Variants in USH2A observed in about 807,000 individuals in gnomAD.
The protein encoded by USH2A is Usher syndrome 2A (autosomal recessive, mild).
A neutral mutation model predicts 538.9 loss-of-function variants in USH2A; 443 were observed. That is an observed-to-expected ratio of 0.82 (90% confidence interval 0.76 to 0.89). The LOEUF (loss-of-function observed/expected upper bound fraction) is 0.89, where lower values mean the gene tolerates loss of function less well. USH2A is among the 40% of genes least tolerant of loss of function. The probability of loss-of-function intolerance (pLI) is 0.00; values close to 1 mark genes in which losing one functional copy is unlikely to be tolerated. For synonymous variants in USH2A, 2,413 were observed against 2,273.5 expected, an observed-to-expected ratio of 1.06 and a Z score of -1.75; for missense variants, 6,633 against 6,324.8, an observed-to-expected ratio of 1.05 and a Z score of -1.65.
At position 215,784,608 on chromosome 1, in the gene USH2A, T is replaced by C. The variant is rs369114661; in HGVS notation, c.10388-1673A>G. Among the ~76,000 whole-genome samples, 11 of 152,336 alleles carry C rather than the reference T, an allele frequency of 7.2e-5. No homozygotes were observed. The South Asian group carries it at 2.3e-3, about 32-fold the overall frequency. ...ATAAATAAATGATTGCATAAATGAATAAATTTTTGTCAGCACTGGTATTGT... is the reference window on the plus strand; with the variant it reads ...ATAAATAAATGATTGCATAAATGAACAAATTTTTGTCAGCACTGGTATTGT... On this transcript the variant is annotated intron_variant, in intron 52 of 71. Transcript: ENST00000307340.
chr1:216,163,989 A>G (rs998290845), intron 21 of USH2A, among the ~76,000 whole-genome samples: 2 of 152,192 alleles, frequency 1.3e-5, no homozygotes, highest in East Asian at 3.9e-4. Flanking sequence ...TTTTCTCAGC[A>G]GGAGGATTTT....
chr1:216,212,766 T>C (rs1558320953), intron 15 of USH2A, among the ~76,000 whole-genome samples: 1 of 151,946 alleles, frequency 6.6e-6, no homozygotes, highest in Non-Finnish European at 1.5e-5. Context: ...AATTGTTCAA[T>C]AAATATCACC....
intron 21 of USH2A, among the ~76,000 whole-genome samples, chr1:216,097,466 C>T (rs2032467659): frequency 6.6e-6 from 1 of 152,102 alleles, no homozygotes; most frequent in Non-Finnish European, 1.5e-5. Context: ...ATGCAAAACT[C>T]ATCAACCCAA....
chr1:216,243,127 A>G (rs1316303828), intron 13 of USH2A, among the ~76,000 whole-genome samples: 1 of 152,220 alleles, frequency 6.6e-6, no homozygotes, highest in Non-Finnish European at 1.5e-5. Flanking sequence ...CAGGGCCACT[A>G]TAAACTGTAG....
intron 50 of USH2A, among the ~76,000 whole-genome samples, chr1:215,798,660 T>TG (rs1420796568): frequency 1.3e-5 from 2 of 152,056 alleles, no homozygotes; most frequent in African/African-American, 2.4e-5. Context: ...ATGTGTGGAA[T>TG]TTTTTTTGGA....
At chr1:215,776,317 A>G (rs544701689) in intron 55 of USH2A, among the ~76,000 whole-genome samples, 1 of 152,342 alleles carries the variant, frequency 6.6e-6, no homozygotes, top group African/African-American at 2.4e-5. Flanking sequence ...CAGTTTACTT[A>G]AAGCATTGAT....
chr1:215,879,153 G>A lies in USH2A; in HGVS notation c.8224-55C>T, dbSNP rs145996521. Reference sequence around the variant, plus strand: ...GTGACGATACAGGAATAGAGCAATTGAAGTTCACGAGGCCTAGAATTTTGC... The same window carrying A: ...GTGACGATACAGGAATAGAGCAATTAAAGTTCACGAGGCCTAGAATTTTGC... On this transcript the variant is annotated intron_variant, in intron 41 of 71. Coordinates refer to ENST00000307340, the MANE Select transcript of USH2A (RefSeq NM_206933.4). 172 of 1,501,702 alleles carry A rather than the reference G, an allele frequency of 1.1e-4. No homozygotes were observed. The African/African-American group carries it at 2.3e-3, about 20-fold the overall frequency. The allele number at this position is 1,501,702 out of a possible 1,614,324, so 93.0% of individuals were successfully genotyped here.
chr1:215,801,359 C>T (rs75977098), intron 49 of USH2A, among the ~76,000 whole-genome samples: 1 of 144,776 alleles, frequency 6.9e-6, no homozygotes, highest in African/African-American at 2.5e-5. Context: ...TGTTCTCAGA[C>T]AACATGATAT....
chr1:216,231,204 A>G (rs1055762755), intron 14 of USH2A, among the ~76,000 whole-genome samples: 1 of 130,700 alleles, frequency 7.7e-6, no homozygotes, highest in African/African-American at 3.0e-5. Flanking sequence ...ATTCAAGGGC[A>G]ATGAAGAACA....
intron 45 of USH2A, among the ~76,000 whole-genome samples, chr1:215,845,140 G>C (rs1393051519): frequency 6.6e-6 from 1 of 152,082 alleles, no homozygotes; most frequent in Non-Finnish European, 1.5e-5. Context: ...ATCTTAACTA[G>C]TTGAAGAATT....
intron 37 of USH2A, among the ~76,000 whole-genome samples, chr1:215,943,300 C>G (rs1236521224): frequency 2.0e-5 from 3 of 151,834 alleles, no homozygotes; most frequent in Non-Finnish European, 4.4e-5. Context: ...ATTGCAGAGA[C>G]AGAGAAACAA....
chr1:216,234,619 T>A (rs928801365), intron 13 of USH2A, among the ~76,000 whole-genome samples: 1 of 152,092 alleles, frequency 6.6e-6, no homozygotes, highest in Non-Finnish European at 1.5e-5. Context: ...GATGGCATCA[T>A]GAATGTGCTA....
At position 216,200,036 on chromosome 1, in the gene USH2A, T is replaced by C; in HGVS notation, c.3402A>G (p.Thr1134=). The C allele has an allele frequency of 8.7e-6, 14 of 1,614,054 alleles. No homozygotes were observed. The highest frequency in any genetic ancestry group is 1.2e-5 in the Non-Finnish European group (14 of 1,179,986). Residue 1134 remains threonine, a synonymous_variant, in exon 17 of 72, where the codon ACA becomes ACG. Transcript: ENST00000307340. ...YIETTNVHGS[T]RSVAVTYKTK... ...TCTTGTAAGTGACAGCTACACTCCT[T>C]GTTGAACCATGCACATTGGTGGTCT...
At chr1:216,392,631 A>T (rs1042385448) in intron 3 of USH2A, among the ~76,000 whole-genome samples, 1 of 152,240 alleles carries the variant, frequency 6.6e-6, no homozygotes. Context: ...ATGAAGGTAC[A>T]TGAAAATAAA....
rs562606608 is a variant in USH2A at position 216,178,703 on chromosome 1, T to C, written c.4397-3221A>G. Among the ~76,000 whole-genome samples the C allele has an allele frequency of 1.1e-4, 17 of 152,222 alleles. No homozygotes were observed. The South Asian group carries it at 2.7e-3, about 24-fold the overall frequency. On this transcript the variant is annotated intron_variant, in intron 20 of 71. Coordinates refer to ENST00000307340, the MANE Select transcript of USH2A (RefSeq NM_206933.4). ...GCCAAAAACTACTTTACCAGTACTG[T>C]CCAATAGAACTTTCTCCAATGAAGG...
intron 2 of USH2A, among the ~76,000 whole-genome samples, chr1:216,421,255 C>A (rs1258085370): frequency 6.6e-6 from 1 of 152,086 alleles, no homozygotes; most frequent in Non-Finnish European, 1.5e-5. Flanking sequence ...TACATATTTC[C>A]TAACTAATTG....
At chr1:215,650,546 A>C (rs1657023869) in intron 65 of USH2A, 46 bp downstream of exon 65, 1 of 1,609,120 alleles carries the variant, frequency 6.2e-7, no homozygotes, top group African/African-American at 1.3e-5. Context: ...CATAGTAATG[A>C]TTTTTAAAAG....
At chr1:216,272,536 C>G (rs1263525433) in intron 11 of USH2A, among the ~76,000 whole-genome samples, 3 of 151,442 alleles carry the variant, frequency 2.0e-5, no homozygotes, top group Non-Finnish European at 4.4e-5. Context: ...TTCTTTTTTC[C>G]TTTCCCATCA....
intron 32 of USH2A, among the ~76,000 whole-genome samples, chr1:216,001,362 A>T (rs978464054): frequency 2.0e-5 from 3 of 152,130 alleles, no homozygotes; most frequent in Non-Finnish European, 4.4e-5. Context: ...CCATGAGACT[A>T]GGGTAGTGCC....
Sources: gnomAD v4.1 joint callset for allele counts (sites outside exome capture counted in the v4.1 genomes callset) on GRCh38, gnomAD v4.1.1 for gene constraint, MANE v1.5 for transcripts, NCBI Gene and HGNC (gene_info 2026-07-23, HGNC 2026-07-21) for gene names.